NUP107: variants seen among roughly 807,000 people sequenced by gnomAD.
NUP107 encodes the protein nuclear pore complex protein Nup107.
Under a neutral mutation model 141.0 loss-of-function variants are expected in NUP107, and 101 were observed. The observed-to-expected ratio is 0.72, with a 90% CI of 0.61 to 0.84. The LOEUF is 0.84. Among genes scored for constraint, NUP107 ranks in the 40% least tolerant of loss-of-function variants. The pLI, the probability that NUP107 is intolerant of heterozygous loss-of-function variation, is 0.00. For missense variants in NUP107, 941 were observed against 1,102.7 expected (o/e 0.85, Z 2.08); for synonymous variants, 319 against 363.9 (o/e 0.88, Z 1.41).
chr12:68,740,413 A>C (rs1382908813), intron 26 of NUP107, among the ~76,000 whole-genome samples: 2 of 152,244 alleles, frequency 1.3e-5, no homozygotes, highest in African/African-American at 4.8e-5. Flanking sequence ...GAAGCACTTT[A>C]ATATTTGCTT....
intron 17 of NUP107, among the ~76,000 whole-genome samples, chr12:68,724,601 A>G (rs1877482085): frequency 6.6e-6 from 1 of 151,962 alleles, no homozygotes; most frequent in Non-Finnish European, 1.5e-5. Context: ...ACATGGCAAA[A>G]CCCCATCTCT....
chr12:68,708,619 G>GTT (rs879328102), intron 8 of NUP107, among the ~76,000 whole-genome samples: 2 of 145,658 alleles, frequency 1.4e-5, no homozygotes, highest in Non-Finnish European at 1.5e-5. Flanking sequence ...CTGTATTACA[G>GTT]TTTTTTTTTT....
At chr12:68,693,100 C>T (rs1365253538) in intron 5 of NUP107, among the ~76,000 whole-genome samples, 4 of 146,152 alleles carry the variant, frequency 2.7e-5, no homozygotes, top group East Asian at 4.1e-4. Context: ...TTTTTTTAGA[C>T]GGAGTCTCAC....
At chr12:68,697,398 A>G (rs1876117374) in intron 6 of NUP107, among the ~76,000 whole-genome samples, 1 of 146,816 alleles carries the variant, frequency 6.8e-6, no homozygotes, top group Admixed American at 6.8e-5. Flanking sequence ...CACTCCAGCC[A>G]GGGTGACAGA....
At chr12:68,689,261 T>C (rs1875659181) in intron 2 of NUP107, among the ~76,000 whole-genome samples, 1 of 152,236 alleles carries the variant, frequency 6.6e-6, no homozygotes, top group Admixed American at 6.5e-5. Flanking sequence ...TATTTCTTAC[T>C]GCTGACAGCT....
chr12:68,688,010 A>G (rs572050585), intron 1 of NUP107, among the ~76,000 whole-genome samples: 2 of 152,286 alleles, frequency 1.3e-5, no homozygotes, highest in East Asian at 1.9e-4. Context: ...TAAAAGAAGC[A>G]TATTCAGAGG....
chr12:68,718,805 G>C (rs1030576350), intron 12 of NUP107, among the ~76,000 whole-genome samples: 1 of 151,808 alleles, frequency 6.6e-6, no homozygotes, highest in African/African-American at 2.4e-5. Flanking sequence ...AAAGGCAGAG[G>C]CCACAGAAAG....
At chr12:68,726,704 T>G (rs974428388) in intron 19 of NUP107, 87 bp downstream of exon 19, 10 of 852,248 alleles carry the variant, frequency 1.2e-5, no homozygotes, top group Middle Eastern at 2.4e-4. Context: ...TTTATTATTG[T>G]TTTCTAGAAA....
chr12:68,729,246 C>T (rs1183177505), intron 20 of NUP107, among the ~76,000 whole-genome samples: 2 of 152,100 alleles, frequency 1.3e-5, no homozygotes, highest in African/African-American at 2.4e-5. Flanking sequence ...TAGTTGTATG[C>T]AGTTATGATT....
rs112710195 is a variant in NUP107, at chr12:68,710,336, A to G, written c.890+243A>G. ...GAGTTTGTGGGTTTCGCATCCATGG[A>G]TTGAACAAACTGCAGATCAGAAATA... On this transcript the variant is annotated intron_variant, in intron 10 of 27. Coordinates refer to ENST00000229179, the MANE Select transcript of NUP107 (RefSeq NM_020401.4). Among the ~76,000 whole-genome samples the G allele has an allele frequency of 2.9e-3, 444 of 152,276 alleles. 1 individual carries two copies. The highest frequency in any genetic ancestry group is 0.01 in the African/African-American group (432 of 41,554).
At chr12:68,712,179 G>C (rs1876885575) in intron 10 of NUP107, among the ~76,000 whole-genome samples, 1 of 152,014 alleles carries the variant, frequency 6.6e-6, no homozygotes, top group Non-Finnish European at 1.5e-5. Flanking sequence ...ACTTGCAAAA[G>C]ATTTTTAAAA....
chr12:68,712,723 C>A (rs1351678041), intron 10 of NUP107, among the ~76,000 whole-genome samples: 1 of 148,618 alleles, frequency 6.7e-6, no homozygotes, highest in Non-Finnish European at 1.5e-5. Flanking sequence ...TGCTGATCAG[C>A]GGAACAGAAC....
At chr12:68,714,061 T>C (rs1876995881) in intron 11 of NUP107, 1 of 411,346 alleles carries the variant, frequency 2.4e-6, no homozygotes, top group Non-Finnish European at 4.3e-6. Context: ...TTAATTTTGG[T>C]CTTATCTTAA....
chr12:68,705,723 T>C, intron 8 of NUP107: 1 of 668,730 alleles, frequency 1.5e-6, no homozygotes, highest in Non-Finnish European at 2.8e-6. Flanking sequence ...GTGGGCCCAG[T>C]GCCTGCATCA....
chr12:68,698,702 A>C (rs1876184600), intron 6 of NUP107, among the ~76,000 whole-genome samples: 1 of 152,228 alleles, frequency 6.6e-6, no homozygotes, highest in South Asian at 2.1e-4. Flanking sequence ...GCTACATATT[A>C]TATGATTACA....
chr12:68,712,410 C>T (rs528934991), intron 10 of NUP107, among the ~76,000 whole-genome samples: 54 of 89,318 alleles, frequency 6.0e-4, no homozygotes, highest in African/African-American at 2.3e-3. Flanking sequence ...AAGAGCAAAA[C>T]TCCATCTCAA....
chr12:68,731,872 C>A (rs1877846783), intron 22 of NUP107, among the ~76,000 whole-genome samples, 153 bp downstream of exon 22: 1 of 152,006 alleles, frequency 6.6e-6, no homozygotes, highest in Non-Finnish European at 1.5e-5. Context: ...AATTTAAAGT[C>A]TTATGTAAAG....
chr12:68,717,128 G>C (rs1877148877), intron 12 of NUP107, among the ~76,000 whole-genome samples: 1 of 152,050 alleles, frequency 6.6e-6, no homozygotes, highest in African/African-American at 2.4e-5. Context: ...AAACTCCTGA[G>C]CTCAGGCAGT....
At chr12:68,710,601 G>A (rs568145230) in intron 10 of NUP107, among the ~76,000 whole-genome samples, 14 of 146,332 alleles carry the variant, frequency 9.6e-5, no homozygotes, top group Non-Finnish European at 1.8e-4. Flanking sequence ...GTTGCAGTGA[G>A]CCGAGTTCAT....
Sources: allele counts gnomAD v4.1 joint callset (sites outside exome capture counted in the v4.1 genomes callset), GRCh38; gene constraint gnomAD v4.1.1; transcripts MANE v1.5; gene names NCBI Gene and HGNC (gene_info 2026-07-23, HGNC 2026-07-21).